Variants in TRMT11 observed in about 807,000 individuals in gnomAD.
TRMT11 encodes tRNA (guanine(10)-N(2))-methyltransferase TRMT11.
In TRMT11, 53 loss-of-function variants were observed where a neutral mutation model predicts 62.8. The ratio of observed to expected loss-of-function variants is 0.84; its 90% CI spans 0.68 to 1.06. TRMT11 has a LOEUF of 1.06. Among genes scored for constraint, TRMT11 ranks in the 50% least tolerant of loss-of-function variants. The pLI, the probability that TRMT11 is intolerant of heterozygous loss-of-function variation, is 0.00. For missense variants in TRMT11, 556 were observed against 553.4 expected (o/e 1.00, Z -0.05); for synonymous variants, 188 against 190.3 (o/e 0.99, Z 0.10).
At chr6:126,192,366 T>C (rs1227796688) in intron 1 of TRMT11, among the ~76,000 whole-genome samples, 2 of 152,172 alleles carry the variant, frequency 1.3e-5, no homozygotes, top group Admixed American at 6.5e-5. Context: ...TTTATAAATA[T>C]AAGATCATGT....
the TRMT11 span, among the ~76,000 whole-genome samples, chr6:126,249,606 T>C: frequency 1.3e-5 from 2 of 152,132 alleles, no homozygotes. Flanking sequence ...GAAATAAAGG[T>C]TATATTTTAT....
intron 21 of TRMT11, among the ~76,000 whole-genome samples, chr6:126,125,893 G>A (rs1472665490): frequency 6.6e-6 from 1 of 152,020 alleles, no homozygotes; most frequent in African/African-American, 2.4e-5. Flanking sequence ...TAAAAATTAA[G>A]AGCTCTCTCT....
chr6:126,226,653 T>C, the TRMT11 span, among the ~76,000 whole-genome samples: 3 of 152,182 alleles, frequency 2.0e-5, no homozygotes, highest in Non-Finnish European at 2.9e-5. Flanking sequence ...AGAAAAAGAA[T>C]AAAGTACAAT....
chr6:126,124,521 G>A (rs531442033), intron 21 of TRMT11, among the ~76,000 whole-genome samples: 4 of 152,138 alleles, frequency 2.6e-5, no homozygotes, highest in African/African-American at 4.8e-5. Context: ...ATGGGGTCCC[G>A]AGTCTATTCT....
chr6:126,127,820 CTA>C (rs1427191304), intron 21 of TRMT11, among the ~76,000 whole-genome samples: 2 of 151,908 alleles, frequency 1.3e-5, no homozygotes, highest in Non-Finnish European at 2.9e-5. Flanking sequence ...GTCTGGACCT[CTA>C]TGCAACTAAG....
upstream of TRMT11, among the ~76,000 whole-genome samples, chr6:126,175,628 CT>C (rs1778377097): frequency 6.6e-6 from 1 of 152,214 alleles, no homozygotes; most frequent in Admixed American, 6.5e-5. Context: ...TCCCGGCTGA[CT>C]TCTTTTCCAG....
chr6:126,118,689 G>A (rs191709644), intron 21 of TRMT11, among the ~76,000 whole-genome samples: 1 of 151,828 alleles, frequency 6.6e-6, no homozygotes, highest in East Asian at 1.9e-4. Flanking sequence ...TTCTGACATT[G>A]TTTCTTATTT....
rs563177486 is a variant in TRMT11, at chr6:126,114,542, A to G, written c.*1527-163A>G. Among the ~76,000 whole-genome samples the G allele has an allele frequency of 7.1e-4, 108 of 152,052 alleles. 1 individual carries two copies. Among genetic ancestry groups the G allele is most frequent in the African/African-American group, 2.5e-3 (104 of 41,508 alleles). ...TCCTTGAAGGTGGGACCTGTATGTT[A>G]CTCCTAGAGGCTAAAACAGTGCCTT... On this transcript the variant is annotated intron_variant and NMD_transcript_variant, in intron 18 of 22. Transcript: ENST00000648977.
chr6:126,187,974 T>G (rs1778545460), intron 1 of TRMT11, among the ~76,000 whole-genome samples: 1 of 151,074 alleles, frequency 6.6e-6, no homozygotes, highest in Non-Finnish European at 1.5e-5. Flanking sequence ...AAATCTAATT[T>G]GAGACAAATA....
chr6:126,097,280 C>T, intron 17 of TRMT11, among the ~76,000 whole-genome samples: 1 of 152,112 alleles, frequency 6.6e-6, no homozygotes, highest in East Asian at 1.9e-4. Flanking sequence ...CTCTGTTTAT[C>T]AGCATTGTTG....
chr6:126,237,109 T>C, the TRMT11 span, among the ~76,000 whole-genome samples: 1 of 151,848 alleles, frequency 6.6e-6, no homozygotes, highest in Non-Finnish European at 1.5e-5. Context: ...GATTATTGAC[T>C]TGTATGTCAA....
chr6:126,259,600 T>G, the TRMT11 span, among the ~76,000 whole-genome samples: 2 of 152,352 alleles, frequency 1.3e-5, no homozygotes, highest in East Asian at 3.9e-4. Context: ...TGTGCATGTG[T>G]CTTTATGATA....
intron 17 of TRMT11, among the ~76,000 whole-genome samples, chr6:126,053,461 G>C (rs1476833054): frequency 6.6e-6 from 1 of 152,106 alleles, no homozygotes; most frequent in Non-Finnish European, 1.5e-5. Context: ...CAGCTTTTAT[G>C]CTTTGGGTCA....
chr6:126,164,619 G>A (rs1778236343), intron 21 of TRMT11, among the ~76,000 whole-genome samples: 1 of 152,170 alleles, frequency 6.6e-6, no homozygotes. Flanking sequence ...GAAGTCTTTT[G>A]TAGGTCTCTA....
intron 17 of TRMT11, among the ~76,000 whole-genome samples, chr6:126,108,164 T>C (rs1453337714): frequency 6.6e-6 from 1 of 152,244 alleles, no homozygotes; most frequent in Non-Finnish European, 1.5e-5. Flanking sequence ...CTGTTGCTGC[T>C]CTTGCCTGTA....
intron 17 of TRMT11, among the ~76,000 whole-genome samples, chr6:126,074,295 C>T (rs1265394203): frequency 6.6e-6 from 1 of 152,182 alleles, no homozygotes; most frequent in Non-Finnish European, 1.5e-5. Context: ...GCTCTCAAAG[C>T]ACTTCTTATT....
intron 21 of TRMT11, among the ~76,000 whole-genome samples, chr6:126,165,863 A>G (rs540850257): frequency 3.9e-5 from 6 of 152,268 alleles, no homozygotes; most frequent in Admixed American, 3.3e-4. Flanking sequence ...CCTGGATAAT[A>G]TCCTGAAGTG....
intron 17 of TRMT11, among the ~76,000 whole-genome samples, chr6:126,077,210 G>A (rs2128150460): frequency 6.6e-6 from 1 of 152,276 alleles, no homozygotes; most frequent in Admixed American, 6.5e-5. Context: ...CTTTCCAATG[G>A]GCTGATTAAT....
chr6:126,167,630 A>G (rs1031910834), intron 21 of TRMT11, among the ~76,000 whole-genome samples: 79 of 152,244 alleles, frequency 5.2e-4, no homozygotes, highest in African/African-American at 1.8e-3. Context: ...TCTAAAAAAT[A>G]AAGTATGGGA....
Sources: allele counts gnomAD v4.1 joint callset (sites outside exome capture counted in the v4.1 genomes callset), GRCh38; gene constraint gnomAD v4.1.1; transcripts MANE v1.5; gene names NCBI Gene and HGNC (gene_info 2026-07-23, HGNC 2026-07-21).